The following CREB3L1 variants were observed in gnomAD, a reference collection of about 807,000 sequenced individuals.
The protein encoded by CREB3L1 is cAMP responsive element binding protein 3 like 1.
In CREB3L1, 33 loss-of-function variants were observed where a neutral mutation model predicts 54.5. The observed-to-expected ratio is 0.61, with a 90% CI of 0.46 to 0.81. The LOEUF (loss-of-function observed/expected upper bound fraction) is 0.81, where lower values mean the gene tolerates loss of function less well. Ranked by LOEUF, CREB3L1 falls within the 30% of genes least tolerant of loss-of-function variation. The pLI, the probability that CREB3L1 is intolerant of heterozygous loss-of-function variation, is 0.00. For missense variants in CREB3L1, 656 were observed against 673.3 expected, an observed-to-expected ratio of 0.97 and a Z score of 0.29; for synonymous variants, 284 against 286.4, an observed-to-expected ratio of 0.99 and a Z score of 0.08.
At chr11:46,285,266 G>A (rs983439071) in intron 1 of CREB3L1, among the ~76,000 whole-genome samples, 2 of 152,212 alleles carry the variant, frequency 1.3e-5, no homozygotes, top group African/African-American at 4.8e-5. Context: ...AGCTCCAGAT[G>A]CTGGAGAACA....
intron 1 of CREB3L1, among the ~76,000 whole-genome samples, chr11:46,280,344 C>A (rs1391884147): frequency 6.6e-6 from 1 of 151,926 alleles, no homozygotes; most frequent in East Asian, 1.9e-4. Flanking sequence ...CCCGCCACCA[C>A]GCCCGGCTAA....
At chr11:46,304,669 C>CT (rs1481393126) in intron 2 of CREB3L1, among the ~76,000 whole-genome samples, 1 of 130,790 alleles carries the variant, frequency 7.6e-6, no homozygotes, top group Admixed American at 7.5e-5. Context: ...CACCCTAAGT[C>CT]TTTTTTTAAT....
intron 11 of CREB3L1, 37 bp downstream of exon 11, chr11:46,320,565 G>A: frequency 6.4e-7 from 1 of 1,554,926 alleles, no homozygotes; most frequent in Admixed American, 1.9e-5. Flanking sequence ...TGAGGTCTCA[G>A]GCTCCACCTG....
intron 5 of CREB3L1, among the ~76,000 whole-genome samples, chr11:46,312,105 C>T (rs899937247): frequency 2.6e-5 from 4 of 152,132 alleles, no homozygotes; most frequent in African/African-American, 7.2e-5. Flanking sequence ...GAAGCCCTCC[C>T]GAACAATGCA....
chr11:46,296,242 C>T (rs1400491931), intron 1 of CREB3L1, among the ~76,000 whole-genome samples: 2 of 152,126 alleles, frequency 1.3e-5, no homozygotes, highest in East Asian at 3.9e-4. Context: ...GACAAGGGGG[C>T]GTGCTGGAGC....
intron 8 of CREB3L1, chr11:46,315,112 T>C: frequency 4.4e-6 from 1 of 227,468 alleles, no homozygotes; most frequent in South Asian, 5.8e-5. Context: ...ACAACAGCCT[T>C]GGTATGCAGC....
At chr11:46,281,623 G>T (rs1442983161) in intron 1 of CREB3L1, among the ~76,000 whole-genome samples, 1 of 152,198 alleles carries the variant, frequency 6.6e-6, no homozygotes, top group Admixed American at 6.5e-5. Flanking sequence ...CCAGCATTGC[G>T]GGGAGGCGGT....
At chr11:46,290,792 G>C (rs552897734) in intron 1 of CREB3L1, among the ~76,000 whole-genome samples, 2 of 152,138 alleles carry the variant, frequency 1.3e-5, no homozygotes, top group South Asian at 4.2e-4. Context: ...TGAGGGGTTG[G>C]GGGTGGGGAG....
chr11:46,294,150 G>A (rs759483129), intron 1 of CREB3L1, among the ~76,000 whole-genome samples: 1 of 152,160 alleles, frequency 6.6e-6, no homozygotes, highest in African/African-American at 2.4e-5. Context: ...CACACACACC[G>A]AAGTATTTCT....
At chr11:46,312,709 C>T in intron 7 of CREB3L1, 39 bp downstream of exon 7, 1 of 1,584,242 alleles carries the variant, frequency 6.3e-7, no homozygotes, top group Non-Finnish European at 8.6e-7. Context: ...CACTCCCTTG[C>T]CTGACCTGCC....
intron 3 of CREB3L1, among the ~76,000 whole-genome samples, chr11:46,308,909 G>A (rs1355736710): frequency 1.3e-5 from 2 of 152,246 alleles, no homozygotes; most frequent in African/African-American, 2.4e-5. Flanking sequence ...AGGAAGGGAT[G>A]GAGTGACAGC....
intron 2 of CREB3L1, among the ~76,000 whole-genome samples, chr11:46,305,486 C>A (rs1939367755): frequency 6.6e-6 from 1 of 151,722 alleles, no homozygotes; most frequent in South Asian, 2.1e-4. Context: ...TCTCTCCTGG[C>A]CGATTTCAAC....
intron 1 of CREB3L1, among the ~76,000 whole-genome samples, chr11:46,284,437 G>T (rs957073603): frequency 6.6e-6 from 1 of 152,082 alleles, no homozygotes; most frequent in African/African-American, 2.4e-5. Context: ...GATCACCTGA[G>T]TTCAGGAGTT....
intron 1 of CREB3L1, among the ~76,000 whole-genome samples, chr11:46,293,752 T>C (rs1939164269): frequency 6.6e-6 from 1 of 152,252 alleles, no homozygotes; most frequent in African/African-American, 2.4e-5. Flanking sequence ...GGCACTGAGA[T>C]GCTGGCTTGG....
At chr11:46,318,189 G>A (rs767545790) in intron 10 of CREB3L1, among the ~76,000 whole-genome samples, 2 of 151,224 alleles carry the variant, frequency 1.3e-5, no homozygotes, top group Non-Finnish European at 2.9e-5. Context: ...CTGCAGTCCA[G>A]CCTGGGTGAC....
At chr11:46,288,300 T>C (rs1939084792) in intron 1 of CREB3L1, among the ~76,000 whole-genome samples, 1 of 152,146 alleles carries the variant, frequency 6.6e-6, no homozygotes, top group Non-Finnish European at 1.5e-5. Flanking sequence ...CAGGCTGGTC[T>C]CAAACTCCTG....
chr11:46,315,047 G>T (rs1437273775), intron 8 of CREB3L1: 2 of 180,108 alleles, frequency 1.1e-5, no homozygotes, highest in African/African-American at 4.7e-5. Flanking sequence ...GCCCAGCCAT[G>T]AGCCTGTGGT....
chr11:46,285,815 C>T (rs1350496903), intron 1 of CREB3L1, among the ~76,000 whole-genome samples: 1 of 152,192 alleles, frequency 6.6e-6, no homozygotes, highest in Non-Finnish European at 1.5e-5. Flanking sequence ...GCCACTGGCT[C>T]CTCCTCCCCT....
intron 1 of CREB3L1, among the ~76,000 whole-genome samples, chr11:46,294,965 C>G (rs1939184371): frequency 6.6e-6 from 1 of 152,084 alleles, no homozygotes; most frequent in South Asian, 2.1e-4. Flanking sequence ...TGTCCGGGCT[C>G]AGGATTCCCC....
Sources: gnomAD v4.1 joint callset for allele counts (sites outside exome capture counted in the v4.1 genomes callset) on GRCh38, gnomAD v4.1.1 for gene constraint, MANE v1.5 for transcripts, NCBI Gene and HGNC (gene_info 2026-07-23, HGNC 2026-07-21) for gene names.